The following PDE10A variants were observed in gnomAD, a reference collection of about 807,000 sequenced individuals.
PDE10A encodes the protein phosphodiesterase 10A.
A neutral mutation model predicts 97.7 loss-of-function variants in PDE10A; 39 were observed. That is an observed-to-expected ratio of 0.40 (90% confidence interval 0.31 to 0.52). The LOEUF is 0.52. Among genes scored for constraint, PDE10A ranks in the 20% least tolerant of loss-of-function variants. PDE10A has a pLI of 0.56. For missense variants in PDE10A, 731 were observed against 1,047.8 expected (o/e 0.70, Z 4.17); for synonymous variants, 371 against 376.8 (o/e 0.98, Z 0.18).
At chr6:165,944,191 C>T (rs1783683676) in intron 1 of PDE10A, among the ~76,000 whole-genome samples, 1 of 152,198 alleles carries the variant, frequency 6.6e-6, no homozygotes, top group South Asian at 2.1e-4. Context: ...ATTGGGAGAA[C>T]CGCATGAAGG....
chr6:165,438,598 G>A (rs2128241846), intron 5 of PDE10A, among the ~76,000 whole-genome samples: 1 of 152,246 alleles, frequency 6.6e-6, no homozygotes, highest in East Asian at 1.9e-4. Flanking sequence ...TACATTTTAT[G>A]ACTTGGCAAG....
chr6:165,562,854 T>G (rs1291339757), intron 1 of PDE10A, among the ~76,000 whole-genome samples: 3 of 152,116 alleles, frequency 2.0e-5, no homozygotes, highest in Non-Finnish European at 4.4e-5. Context: ...GCTGACATTA[T>G]GGGTTTTGGT....
intron 18 of PDE10A, among the ~76,000 whole-genome samples, chr6:165,346,531 AC>A (rs1333889493): frequency 6.6e-6 from 1 of 152,122 alleles, no homozygotes; most frequent in Non-Finnish European, 1.5e-5. Context: ...AGAGGCGGGC[AC>A]CTCTCCGCAG....
intron 1 of PDE10A, among the ~76,000 whole-genome samples, chr6:165,883,092 C>T (rs539969282): frequency 5.3e-5 from 8 of 152,126 alleles, no homozygotes; most frequent in African/African-American, 1.7e-4. Flanking sequence ...AAAAATTAGT[C>T]GGGTGCAGTG....
At chr6:165,477,426 C>A (rs1779355711) in intron 3 of PDE10A, among the ~76,000 whole-genome samples, 1 of 152,184 alleles carries the variant, frequency 6.6e-6, no homozygotes, top group Non-Finnish European at 1.5e-5. Flanking sequence ...ACTGACTCTA[C>A]CACACACTAT....
chr6:165,804,947 C>G (rs1344936287), intron 1 of PDE10A, among the ~76,000 whole-genome samples: 1 of 141,722 alleles, frequency 7.1e-6, no homozygotes, highest in Non-Finnish European at 1.5e-5. Flanking sequence ...ACGTGGGGAG[C>G]ATGGAGAGAC....
At chr6:165,934,436 A>C (rs1016660482) in intron 1 of PDE10A, among the ~76,000 whole-genome samples, 1 of 151,952 alleles carries the variant, frequency 6.6e-6, no homozygotes, top group Non-Finnish European at 1.5e-5. Flanking sequence ...TTCATCCTTC[A>C]ACTTGTCTAC....
At chr6:165,463,535 A>T (rs1221738625) in intron 3 of PDE10A, among the ~76,000 whole-genome samples, 1 of 152,202 alleles carries the variant, frequency 6.6e-6, no homozygotes, top group Non-Finnish European at 1.5e-5. Flanking sequence ...TTCAATGATG[A>T]TTGTGCTTTC....
chr6:165,955,069 C>G (rs768583364), intron 1 of PDE10A, among the ~76,000 whole-genome samples: 1 of 152,102 alleles, frequency 6.6e-6, no homozygotes, highest in South Asian at 2.1e-4. Context: ...GAATGGTCGC[C>G]GTTTCCGTGA....
chr6:165,653,104 A>T (rs568118276), intron 1 of PDE10A, among the ~76,000 whole-genome samples: 2 of 152,328 alleles, frequency 1.3e-5, no homozygotes, highest in East Asian at 3.9e-4. Flanking sequence ...ATGCCAGTGA[A>T]ATTTTACAAT....
At chr6:165,919,321 G>C (rs951557572) in intron 1 of PDE10A, among the ~76,000 whole-genome samples, 1 of 152,160 alleles carries the variant, frequency 6.6e-6, no homozygotes, top group Non-Finnish European at 1.5e-5. Flanking sequence ...TGGGGACTGG[G>C]TATGAAGGCA....
At chr6:165,525,211 T>TA (rs1328928476) in intron 2 of PDE10A, among the ~76,000 whole-genome samples, 1 of 152,114 alleles carries the variant, frequency 6.6e-6, no homozygotes, top group Non-Finnish European at 1.5e-5. Context: ...CTAATTTATA[T>TA]AAACATAAAT....
intron 1 of PDE10A, among the ~76,000 whole-genome samples, chr6:165,799,982 A>T (rs1778940793): frequency 6.6e-6 from 1 of 152,122 alleles, no homozygotes; most frequent in Non-Finnish European, 1.5e-5. Flanking sequence ...TTTCTTTCTT[A>T]TGAGCACATA....
intron 1 of PDE10A, among the ~76,000 whole-genome samples, chr6:165,625,660 A>G (rs1007770534): frequency 2.0e-5 from 3 of 152,150 alleles, no homozygotes; most frequent in Non-Finnish European, 4.4e-5. Context: ...ATGATAGTGA[A>G]TAAGTCTCAC....
At position 165,749,188 on chromosome 6, in the gene PDE10A, T is replaced by TCACCACCATCACCATCACC. The variant is rs1792911540; in HGVS notation, c.-614-205621_-614-205620insGGTGATGGTGATGGTGGTG. Among the ~76,000 whole-genome samples the TCACCACCATCACCATCACC allele has an allele frequency of 1.7e-3, 3 of 1,746 alleles. 1 individual carries two copies. The highest frequency in any genetic ancestry group is 0.014 in the Admixed American group (2 of 148). The allele number at this position is 1,746 out of a possible 152,430, so 1.1% of individuals were successfully genotyped here. Reference sequence around the variant, plus strand: ...TCATCACCACCATTAACACTATCACTGTCATCACCATCACCATCATCACCA... The same window carrying TCACCACCATCACCATCACC: ...TCATCACCACCATTAACACTATCACTCACCACCATCACCATCACCGTCATCACCATCACCATCATCACCA... On this transcript the variant is annotated intron_variant, in intron 1 of 19. Coordinates refer to the PDE10A transcript ENST00000366882.
intron 1 of PDE10A, among the ~76,000 whole-genome samples, chr6:165,928,831 C>A (rs941144952): frequency 6.6e-6 from 1 of 152,146 alleles, no homozygotes; most frequent in Non-Finnish European, 1.5e-5. Flanking sequence ...TGCTCAGCCC[C>A]GACTCCACTG....
Position 165,442,147 on chromosome 6 carries a change from T to A in PDE10A, c.1195-6770A>T, listed in dbSNP as rs1247630923. Among the ~76,000 whole-genome samples, 3 of 152,204 alleles carry A rather than the reference T, an allele frequency of 2.0e-5. No homozygotes were observed. The East Asian group carries it at 5.8e-4, about 29-fold the overall frequency. On this transcript the variant is annotated intron_variant, in intron 5 of 21. Coordinates refer to ENST00000539869, the MANE Select transcript of PDE10A (RefSeq NM_001385079.1). Reference sequence around the variant, plus strand: ...ATTTATGAATAAAAGAGGTTTAATTTTTTTTATTATTATACTTTAAGTTGT... The same window carrying A: ...ATTTATGAATAAAAGAGGTTTAATTATTTTTATTATTATACTTTAAGTTGT...
At position 165,661,835 on chromosome 6, in the gene PDE10A, C is replaced by T. The variant is rs1790281074; in HGVS notation, c.865+112G>A. 7 of 604,306 alleles carry T rather than the reference C, an allele frequency of 1.2e-5. 1 individual carries two copies. In the South Asian group the frequency reaches 1.3e-4, roughly 11 times the overall value. 37.4% of individuals were successfully genotyped at this position (604,306 alleles called of 1,614,324 possible). Reference sequence around the variant, plus strand: ...GCCCCCTGGGCGCTCCACGCCCGGGCACGGGCACCTCGCTCGACACCCGCT... The same window carrying T: ...GCCCCCTGGGCGCTCCACGCCCGGGTACGGGCACCTCGCTCGACACCCGCT... On this transcript the variant is annotated intron_variant, in intron 1 of 21. Coordinates refer to ENST00000539869, the MANE Select transcript of PDE10A (RefSeq NM_001385079.1). The surrounding 1 kb of genome is among the most constrained non-coding windows in gnomAD (Gnocchi z 4.8).
At chr6:165,883,773 G>C (rs956646003) in intron 1 of PDE10A, among the ~76,000 whole-genome samples, 3 of 152,110 alleles carry the variant, frequency 2.0e-5, no homozygotes, top group Admixed American at 2.0e-4. Flanking sequence ...AGCAATCCCA[G>C]CTTCGGTGTT....
Sources: allele counts gnomAD v4.1 joint callset (sites outside exome capture counted in the v4.1 genomes callset), GRCh38; gene constraint gnomAD v4.1.1; non-coding constraint Gnocchi (gnomAD v3.1); transcripts MANE v1.5; gene names NCBI Gene and HGNC (gene_info 2026-07-23, HGNC 2026-07-21).